ITPRID2: variants seen among roughly 807,000 people sequenced by gnomAD.
ITPRID2 encodes protein ITPRID2.
A neutral mutation model predicts 124.3 loss-of-function variants in ITPRID2; 60 were observed. The observed-to-expected ratio is 0.48, with a 90% CI of 0.39 to 0.60. The LOEUF (loss-of-function observed/expected upper bound fraction) is 0.60, where lower values mean the gene tolerates loss of function less well. Ranked by LOEUF, ITPRID2 falls within the 20% of genes least tolerant of loss-of-function variation. The pLI is 0.00. For synonymous variants in ITPRID2, 521 were observed against 542.9 expected, an observed-to-expected ratio of 0.96 and a Z score of 0.56; for missense variants, 1,553 against 1,512.2, an observed-to-expected ratio of 1.03 and a Z score of -0.45.
Position 181,928,296 on chromosome 2 carries a change from T to C in ITPRID2, c.*13+18T>C. ...AATTATAGGTAAATTTTTCTGAGTT[T>C]CTTTGTTGAGCTAAATGTAAATAGT... On this transcript the variant is annotated intron_variant, in intron 17 of 17. Coordinates refer to ENST00000431877, the MANE Select transcript of ITPRID2 (RefSeq NM_001130445.3). 1.4e-6 allele frequency: 2 copies of C among 1,427,366 alleles called. No homozygotes were observed. Among genetic ancestry groups the C allele is most frequent in the Non-Finnish European group, 1.9e-6 (2 of 1,045,242 alleles). 88.4% of individuals were successfully genotyped at this position (1,427,366 alleles called of 1,614,324 possible).
At position 181,896,194 on chromosome 2, in the gene ITPRID2, C is replaced by T. The variant is rs1574198488; in HGVS notation, c.307+115C>T. On this transcript the variant is annotated intron_variant, in intron 3 of 17. Coordinates refer to ENST00000431877, the MANE Select transcript of ITPRID2 (RefSeq NM_001130445.3). The surrounding 1 kb of genome is among the most constrained non-coding windows in gnomAD (Gnocchi z 4.3). Reference sequence around the variant, plus strand: ...GTGATATTCATGTTTATAGTATATGCTATTCTGAGCTAGAAGCAAAATGGA... The same window carrying T: ...GTGATATTCATGTTTATAGTATATGTTATTCTGAGCTAGAAGCAAAATGGA... 1 of 895,686 alleles carries T rather than the reference C, an allele frequency of 1.1e-6. No individual in the cohort carries two copies. Among genetic ancestry groups the T allele is most frequent in the South Asian group, 1.8e-5 (1 of 56,636 alleles). 55.5% of individuals were successfully genotyped at this position (895,686 alleles called of 1,614,324 possible). A position where few individuals can be genotyped will look rare whatever the true frequency, so the allele number is the denominator to read the frequency against.
rs1465568463 is a variant in ITPRID2 at position 181,915,234 on chromosome 2, G to T, written c.1594G>T (p.Ala532Ser). Residue 532 changes from alanine to serine, a missense_variant, in exon 11 of 18, where the codon GCT (alanine) becomes TCT (serine). Coordinates refer to ENST00000431877, the MANE Select transcript of ITPRID2 (RefSeq NM_001130445.3). ...TTCACAGGTTCAGGAGTCCTTGCAG[G>T]CTATGGGGAGTAGTGCTGATAGTTG... Reference protein sequence around the residue: ...NHLQVQESLQAMGSSADSCDS... With the variant: ...NHLQVQESLQSMGSSADSCDS... 7 of 1,613,976 alleles carry T rather than the reference G, an allele frequency of 4.3e-6. No homozygotes were observed. The highest frequency in any genetic ancestry group is 1.7e-5 in the Admixed American group (1 of 59,994).
Position 181,918,971 on chromosome 2 carries a change from C to A in ITPRID2, c.2993+89C>A, listed in dbSNP as rs1025852798. 9 of 1,493,682 alleles carry A rather than the reference C, an allele frequency of 6.0e-6. No individual in the cohort carries two copies. The Admixed American group carries it at 9.8e-5, about 16-fold the overall frequency. 92.5% of individuals were successfully genotyped at this position (1,493,682 alleles called of 1,614,324 possible). ...TATTTTTTAAAATTAGGTTTTGATT[C>A]TACTGCTGTGTACCTTGTATCTGTT... On this transcript the variant is annotated intron_variant, in intron 13 of 17. Transcript: ENST00000431877.
Position 181,915,495 on chromosome 2 carries a change from A to T in ITPRID2, c.1855A>T (p.Ile619Phe). The change falls in exon 11 of 18, where the codon ATT (isoleucine) becomes TTT (phenylalanine). Residue 619 changes from isoleucine to phenylalanine, a missense_variant. Coordinates refer to ENST00000431877, the MANE Select transcript of ITPRID2 (RefSeq NM_001130445.3). The stretch of plus-strand genomic sequence containing the variant: ...CACCTGTAGTCCAGGGGATCATATC[A>T]TTGAAATTACTGAAGTGGAAGAGGA... ...QSTCSPGDHI[I>F]EITEVEEDLF... 3 of 1,614,216 alleles carry T rather than the reference A, an allele frequency of 1.9e-6. No homozygotes were observed. Among genetic ancestry groups the T allele is most frequent in the Non-Finnish European group, 2.5e-6 (3 of 1,180,032 alleles).
In ITPRID2 at chr2:181,919,489, A is replaced by G; in HGVS notation, c.3144+43A>G. On this transcript the variant is annotated intron_variant, in intron 14 of 17. Transcript: ENST00000431877. The surrounding 1 kb of genome is among the most constrained non-coding windows in gnomAD (Gnocchi z 4.2). ...TGGTCGGAGTTTTCACCAAAGGTTT[A>G]TTTATAATGTTCCAATAATTTAGGA... The G allele has an allele frequency of 3.3e-6, 5 of 1,499,072 alleles. No individual in the cohort carries two copies. Among genetic ancestry groups the G allele is most frequent in the Non-Finnish European group, 4.4e-6 (5 of 1,129,222 alleles). 92.9% of individuals were successfully genotyped at this position (1,499,072 alleles called of 1,614,324 possible). A position where few individuals can be genotyped will look rare whatever the true frequency, so the allele number is the denominator to read the frequency against.
At chr2:181,912,937 T>C (rs1223540405) in intron 9 of ITPRID2, among the ~76,000 whole-genome samples, 1 of 152,260 alleles carries the variant, frequency 6.6e-6, no homozygotes, top group Admixed American at 6.5e-5. Context: ...TTGAGTTTTA[T>C]GTAATTTTTA....
At chr2:181,899,982 G>T (rs559895240) in intron 6 of ITPRID2, among the ~76,000 whole-genome samples, 1 of 152,190 alleles carries the variant, frequency 6.6e-6, no homozygotes, top group Non-Finnish European at 1.5e-5. Flanking sequence ...GAAACAAATT[G>T]AAATGTCTCT....
intron 16 of ITPRID2, among the ~76,000 whole-genome samples, chr2:181,924,025 A>G (rs1694677478): frequency 6.6e-6 from 1 of 152,236 alleles, no homozygotes; most frequent in Non-Finnish European, 1.5e-5. Context: ...TTAAGCTGGT[A>G]TGCAAGGCAA....
intron 16 of ITPRID2, among the ~76,000 whole-genome samples, chr2:181,927,507 T>C (rs962397699): frequency 5.9e-5 from 9 of 152,226 alleles, no homozygotes; most frequent in African/African-American, 2.2e-4. Flanking sequence ...TATATCCTCA[T>C]ATCCTATATG....
At chr2:181,901,407 C>T (rs988094055) in intron 7 of ITPRID2, among the ~76,000 whole-genome samples, 4 of 152,156 alleles carry the variant, frequency 2.6e-5, no homozygotes, top group African/African-American at 9.7e-5. Flanking sequence ...TATATGCTTA[C>T]ATGCATTTTC....
chr2:181,910,012 A>C lies in ITPRID2; in HGVS notation c.1486+41A>C. 2 of 1,489,600 alleles carry C rather than the reference A, an allele frequency of 1.3e-6. No individual in the cohort carries two copies. Among genetic ancestry groups the C allele is most frequent in the South Asian group, 2.3e-5 (2 of 86,848 alleles). The allele number at this position is 1,489,600 out of a possible 1,614,324, so 92.3% of individuals were successfully genotyped here. A position where few individuals can be genotyped will look rare whatever the true frequency, so the allele number is the denominator to read the frequency against. On this transcript the variant is annotated intron_variant, in intron 9 of 17. Transcript: ENST00000431877. The surrounding 1 kb of genome is among the most constrained non-coding windows in gnomAD (Gnocchi z 4.1). ...TCCACTAGTTCTGAGCACATTATCA[A>C]ATATTAGTTGATTTGGAAAAGGGGT... is the stretch of plus-strand genomic sequence containing the variant.
Position 181,916,467 on chromosome 2 carries a change from A to G in ITPRID2, c.2787+40A>G, listed in dbSNP as rs753529991. ...ATGTTATCATTAGCTTTTTTCTTTTACTGCTCTGAGCACTTTTTAATTCAC... is the reference window on the plus strand; with the variant it reads ...ATGTTATCATTAGCTTTTTTCTTTTGCTGCTCTGAGCACTTTTTAATTCAC... On this transcript the variant is annotated intron_variant, in intron 11 of 17. Transcript: ENST00000431877. The G allele has an allele frequency of 1.9e-6, 3 of 1,578,292 alleles. No individual in the cohort carries two copies. In the African/African-American group the frequency reaches 4.0e-5, roughly 21 times the overall value.
At chr2:181,898,943 TC>T (rs1692437736) in intron 5 of ITPRID2, 24 bp downstream of exon 5, 1 of 1,605,750 alleles carries the variant, frequency 6.2e-7, no homozygotes. Context: ...TTGTTCTATT[TC>T]TTTTAAAAAA....
chr2:181,929,584 T>G lies in ITPRID2; in HGVS notation c.*37T>G, dbSNP rs201984361. 8.2e-5 allele frequency: 133 copies of G among 1,613,020 alleles called. No individual in the cohort carries two copies. Among genetic ancestry groups the G allele is most frequent in the Non-Finnish European group, 1.1e-4 (130 of 1,179,316 alleles). On this transcript the variant is annotated 3_prime_UTR_variant, in exon 18 of 18. Coordinates refer to ENST00000431877, the MANE Select transcript of ITPRID2 (RefSeq NM_001130445.3). The stretch of plus-strand genomic sequence containing the variant: ...AGGTTGGCATGGATCCTATTAGCTG[T>G]GTAATACTGGAATTATCAATGATAT...
In ITPRID2 at chr2:181,910,836, G is replaced by T. The variant is rs908552235; in HGVS notation, c.1486+865G>T. Among the ~76,000 whole-genome samples, 2 of 151,930 alleles carry T rather than the reference G, an allele frequency of 1.3e-5. No individual in the cohort carries two copies. Among genetic ancestry groups the T allele is most frequent in the Non-Finnish European group, 2.9e-5 (2 of 67,978 alleles). On this transcript the variant is annotated intron_variant, in intron 9 of 17. Coordinates refer to ENST00000431877, the MANE Select transcript of ITPRID2 (RefSeq NM_001130445.3). This position sits in a 1 kb window ranked among gnomAD's most constrained non-coding sequence, Gnocchi z 4.1. ...AGAAACAAGAGCTTCACTCTCACTC[G>T]GTCACTGCAGCTCTGGTTAGACTCA...
chr2:181,929,542 TTC>T lies in ITPRID2; in HGVS notation c.*14-15_*14-14del. On this transcript the variant is annotated splice_polypyrimidine_tract_variant and intron_variant, in intron 17 of 17. Transcript: ENST00000431877. ...TATTTGAAAGAGGTTTAAAACTGACTTCTCTTTTCTTTTTTAAGGTTGGCATG... is the reference window on the plus strand; with the variant it reads ...TATTTGAAAGAGGTTTAAAACTGACTTCTTTTCTTTTTTAAGGTTGGCATG... 1.9e-6 allele frequency: 3 copies of T among 1,578,440 alleles called. No individual in the cohort carries two copies. Among genetic ancestry groups the T allele is most frequent in the Non-Finnish European group, 2.6e-6 (3 of 1,151,596 alleles).
Position 181,916,082 on chromosome 2 carries a change from G to C in ITPRID2, c.2442G>C (p.Gln814His), listed in dbSNP as rs1458487620. 6 of 1,614,194 alleles carry C rather than the reference G, an allele frequency of 3.7e-6. No homozygotes were observed. Among genetic ancestry groups the C allele is most frequent in the Middle Eastern group, 1.7e-4 (1 of 6,060 alleles). The change falls in exon 11 of 18, where the codon CAG (glutamine) becomes CAC (histidine). Residue 814 changes from glutamine (Q) to histidine (H), a missense_variant. Transcript: ENST00000431877. Reference sequence around the variant, plus strand: ...CTGTGAAGAAAGAAGAAGCCCCCCAGAGTGAGGCGCCGCGGGTGGAGGAAT... The same window carrying C: ...CTGTGAAGAAAGAAGAAGCCCCCCACAGTGAGGCGCCGCGGGTGGAGGAAT... ...PSSVKKEEAP[Q>H]SEAPRVEECH...
Position 181,920,619 on chromosome 2 carries a change from C to T in ITPRID2, c.3167C>T (p.Ala1056Val), listed in dbSNP as rs746765040. The T allele has an allele frequency of 3.1e-6, 5 of 1,613,312 alleles. No homozygotes were observed. Among genetic ancestry groups the T allele is most frequent in the Middle Eastern group, 1.6e-4 (1 of 6,078 alleles). ...ALMGMCGSRS[A>V]DNLSCPSPLN... ...CAGGGAATGTGTGGCAGTAGAAGCG[C>T]TGATAACTTGTCATGCCCTTCTCCA... is the stretch of plus-strand genomic sequence containing the variant. The change falls in exon 15 of 18, where the codon GCT becomes GTT. Residue 1056 changes from alanine (A) to valine (V), a missense_variant. Physicochemically the swap from Ala to Val is moderately conservative, Grantham distance 64. Coordinates refer to ENST00000431877, the MANE Select transcript of ITPRID2 (RefSeq NM_001130445.3).
chr2:181,920,189 C>T (rs530285819), intron 14 of ITPRID2, among the ~76,000 whole-genome samples: 4 of 152,224 alleles, frequency 2.6e-5, no homozygotes, highest in Admixed American at 6.5e-5. Flanking sequence ...AATATACACA[C>T]ATACAATTAT....
Sources: gnomAD v4.1 joint callset for allele counts (sites outside exome capture counted in the v4.1 genomes callset) on GRCh38, gnomAD v4.1.1 for gene constraint, Gnocchi (gnomAD v3.1) non-coding constraint, MANE v1.5 for transcripts, NCBI Gene and HGNC (gene_info 2026-07-23, HGNC 2026-07-21) for gene names.